Variants in NPAS2 observed in about 807,000 individuals in gnomAD.
NPAS2 encodes the protein neuronal PAS domain protein 2, also known as neuronal PAS domain-containing protein 2.
NPAS2 carries 23 observed loss-of-function variants against 107.5 expected under a neutral mutation model. The ratio of observed to expected loss-of-function variants is 0.21; its 90% confidence interval spans 0.15 to 0.30. NPAS2 has a LOEUF of 0.30. Among genes scored for constraint, NPAS2 ranks in the 10% least tolerant of loss-of-function variants. The pLI, the probability that NPAS2 is intolerant of heterozygous loss-of-function variation, is 1.00. For missense variants in NPAS2, 756 were observed against 1,043.3 expected (o/e 0.72, Z 3.79); for synonymous variants, 403 against 417.5 (o/e 0.97, Z 0.42).
intron 1 of NPAS2, among the ~76,000 whole-genome samples, chr2:100,846,286 C>T (rs1677769180): frequency 1.3e-5 from 2 of 152,128 alleles, no homozygotes; most frequent in Admixed American, 1.3e-4. Flanking sequence ...AAAAAGTTTC[C>T]AGAGTTTAAG....
intron 1 of NPAS2, among the ~76,000 whole-genome samples, chr2:100,899,020 T>C (rs1246470744): frequency 6.6e-6 from 1 of 152,144 alleles, no homozygotes; most frequent in East Asian, 1.9e-4. Context: ...GAGAAAAACA[T>C]CAGACAAACC....
At chr2:100,888,900 A>G (rs1680878711) in intron 1 of NPAS2, among the ~76,000 whole-genome samples, 1 of 152,184 alleles carries the variant, frequency 6.6e-6, no homozygotes, top group South Asian at 2.1e-4. Flanking sequence ...ATTATGCCTT[A>G]ACTGGGGCCA....
intron 15 of NPAS2, 61 bp downstream of exon 15, chr2:100,977,860 G>GGA: frequency 3.5e-6 from 5 of 1,411,030 alleles, no homozygotes; most frequent in Non-Finnish European, 5.0e-6. Context: ...AGTGTGCTGC[G>GGA]CTGATGGTCT....
intron 3 of NPAS2, 104 bp downstream of exon 3, chr2:100,925,398 GC>G: frequency 7.9e-7 from 1 of 1,271,430 alleles, no homozygotes; most frequent in Non-Finnish European, 1.1e-6. Context: ...CCCCAGCCAG[GC>G]CCAGCCTTAC....
chr2:100,936,838 T>TG (rs1684331591), intron 4 of NPAS2, among the ~76,000 whole-genome samples: 1 of 151,910 alleles, frequency 6.6e-6, no homozygotes, highest in Admixed American at 6.6e-5. Flanking sequence ...AAAAATTAGC[T>TG]GGGCCTGGTG....
intron 4 of NPAS2, among the ~76,000 whole-genome samples, chr2:100,937,051 C>T (rs1684361759): frequency 6.6e-6 from 1 of 151,774 alleles, no homozygotes; most frequent in African/African-American, 2.4e-5. Flanking sequence ...CACCTTCAAC[C>T]TATTATATCA....
At chr2:100,917,130 A>G (rs1331802228) in intron 2 of NPAS2, among the ~76,000 whole-genome samples, 2 of 152,236 alleles carry the variant, frequency 1.3e-5, no homozygotes, top group African/African-American at 4.8e-5. Flanking sequence ...AAAGCAAAAT[A>G]AACTCACAGC....
At chr2:100,929,125 G>C (rs140959371) in intron 3 of NPAS2, among the ~76,000 whole-genome samples, 3 of 152,274 alleles carry the variant, frequency 2.0e-5, no homozygotes, top group Non-Finnish European at 4.4e-5. Context: ...GCCTGGTCTC[G>C]AACTCCTGGC....
intron 13 of NPAS2, among the ~76,000 whole-genome samples, 178 bp downstream of exon 13, chr2:100,975,122 A>T (rs1389909131): frequency 6.6e-6 from 1 of 152,024 alleles, no homozygotes; most frequent in East Asian, 1.9e-4. Context: ...TCACCTCTCC[A>T]CACTCTGGTA....
At chr2:100,930,506 A>C (rs150410429) in intron 3 of NPAS2, among the ~76,000 whole-genome samples, 2 of 152,240 alleles carry the variant, frequency 1.3e-5, no homozygotes, top group Non-Finnish European at 2.9e-5. Flanking sequence ...TCCTACAAAA[A>C]TGGCTCTCAG....
intron 5 of NPAS2, among the ~76,000 whole-genome samples, chr2:100,940,814 T>G (rs1674528880): frequency 6.6e-6 from 1 of 152,128 alleles, no homozygotes; most frequent in African/African-American, 2.4e-5. Context: ...CGGGACACAG[T>G]AAAGCTGAAT....
At chr2:100,927,230 A>G (rs754265443) in intron 3 of NPAS2, among the ~76,000 whole-genome samples, 10 of 152,052 alleles carry the variant, frequency 6.6e-5, no homozygotes, top group East Asian at 1.9e-4. Flanking sequence ...CACCACGCCC[A>G]GCCTAAAAGG....
At chr2:100,948,432 G>C in intron 6 of NPAS2, 77 bp downstream of exon 6, 1 of 1,294,588 alleles carries the variant, frequency 7.7e-7, no homozygotes, top group Non-Finnish European at 1.1e-6. Flanking sequence ...AATGAATTAA[G>C]AAGGGAGAAC....
intron 7 of NPAS2, among the ~76,000 whole-genome samples, chr2:100,953,357 G>C (rs1675354879): frequency 7.0e-6 from 1 of 143,116 alleles, no homozygotes; most frequent in African/African-American, 2.6e-5. Context: ...CTGGGTGACA[G>C]AGTGAAACTC....
chr2:100,850,980 A>AAAG (rs55977491), intron 1 of NPAS2, among the ~76,000 whole-genome samples: 1 of 148,840 alleles, frequency 6.7e-6, no homozygotes, highest in East Asian at 2.0e-4. Context: ...AAAAAAAAAA[A>AAAG]GGAAGGACAT....
intron 1 of NPAS2, among the ~76,000 whole-genome samples, chr2:100,842,081 GCACA>G (rs59267718): frequency 0.2 from 29,915 of 148,828 alleles, 3,382 homozygotes; most frequent in East Asian, 0.51. Context: ...GCATGTACGC[GCACA>G]CACACACACA....
rs147774164 is a variant in NPAS2, at chr2:100,962,888, C to G, written c.599-1170C>G. 1.3e-5 allele frequency: 2 copies of G among 152,382 alleles called. 1 individual carries two copies. Among genetic ancestry groups the G allele is most frequent in the East Asian group, 3.9e-4 (2 of 5,182 alleles). 9.4% of individuals were successfully genotyped at this position (152,382 alleles called of 1,614,324 possible). ...TGGCTGTGGGCCTAGGACAGTCCCC[C>G]CTCTGCCCTGTTAGAACCCTGGGCC... On this transcript the variant is annotated intron_variant, in intron 7 of 20. Transcript: ENST00000335681.
chr2:100,866,895 G>A (rs538765195), intron 1 of NPAS2, among the ~76,000 whole-genome samples: 7 of 152,274 alleles, frequency 4.6e-5, no homozygotes, highest in African/African-American at 7.2e-5. Context: ...CTGTTTATTT[G>A]CTCAGTCCAG....
chr2:100,947,565 AC>A lies in NPAS2; in HGVS notation c.364-669del, dbSNP rs766603234. On this transcript the variant is annotated intron_variant, in intron 5 of 20. Transcript: ENST00000335681. ...AACACTCTGTCTCAAAAAAAAAAAAACAAATTAAAATTCAGTTCCTTGTTCA... is the reference window on the plus strand; with the variant it reads ...AACACTCTGTCTCAAAAAAAAAAAAAAAATTAAAATTCAGTTCCTTGTTCA... 5.3e-3 allele frequency among the ~76,000 whole-genome samples: 796 copies of A among 151,174 alleles called. 15 individuals carry two copies. Among genetic ancestry groups the A allele is most frequent in the East Asian group, 0.048 (249 of 5,156 alleles).
Sources: allele counts gnomAD v4.1 joint callset (sites outside exome capture counted in the v4.1 genomes callset), GRCh38; gene constraint gnomAD v4.1.1; transcripts MANE v1.5; gene names NCBI Gene and HGNC (gene_info 2026-07-23, HGNC 2026-07-21).